ASAP1: variants seen among roughly 807,000 people sequenced by gnomAD.
The protein encoded by ASAP1 is ArfGAP with SH3 domain, ankyrin repeat and PH domain 1.
In ASAP1, 43 loss-of-function variants were observed where a neutral mutation model predicts 145.2. The ratio of observed to expected loss-of-function variants is 0.30; its 90% CI spans 0.23 to 0.38. ASAP1 has a LOEUF of 0.38. Ranked by LOEUF, ASAP1 falls within the 10% of genes least tolerant of loss-of-function variation. ASAP1 has a pLI of 1.00. For synonymous variants in ASAP1, 546 were observed against 515.5 expected (o/e 1.06, Z -0.80); for missense variants, 1,018 against 1,355.3 (o/e 0.75, Z 3.91).
intron 3 of ASAP1, among the ~76,000 whole-genome samples, chr8:130,357,608 T>C (rs1332460967): frequency 1.3e-5 from 2 of 152,206 alleles, no homozygotes; most frequent in Non-Finnish European, 2.9e-5. Flanking sequence ...TCACTGCCCA[T>C]CTCCTAGTCC....
At chr8:130,216,048 A>G (rs6470807) in intron 4 of ASAP1, among the ~76,000 whole-genome samples, 47,011 of 131,856 alleles carry the variant, frequency 0.36, 8,015 homozygotes, top group East Asian at 0.61. Context: ...GGAAAGGAAA[A>G]GAAAGAAAAG....
intron 3 of ASAP1, among the ~76,000 whole-genome samples, chr8:130,267,060 A>G (rs995841649): frequency 2.6e-5 from 4 of 151,668 alleles, no homozygotes; most frequent in African/African-American, 9.7e-5. Context: ...GTAGTCATTA[A>G]GAGGACAAAG....
intron 3 of ASAP1, among the ~76,000 whole-genome samples, chr8:130,275,678 G>GT (rs903724639): frequency 1.3e-4 from 20 of 151,132 alleles, no homozygotes; most frequent in African/African-American, 4.6e-4. Flanking sequence ...TTAGAGAAAC[G>GT]TAAGCATTTT....
chr8:130,182,484 A>G (rs919592656), intron 7 of ASAP1, among the ~76,000 whole-genome samples: 4 of 152,204 alleles, frequency 2.6e-5, no homozygotes, highest in Non-Finnish European at 5.9e-5. Flanking sequence ...AGGTTCTGAG[A>G]CAAACCTCAG....
At chr8:130,338,558 T>C (rs1411123974) in intron 3 of ASAP1, among the ~76,000 whole-genome samples, 1 of 152,216 alleles carries the variant, frequency 6.6e-6, no homozygotes, top group Non-Finnish European at 1.5e-5. Flanking sequence ...CACTCTGCAG[T>C]ATCTTTAATG....
intron 3 of ASAP1, among the ~76,000 whole-genome samples, chr8:130,283,772 C>T (rs578233299): frequency 6.6e-6 from 1 of 152,112 alleles, no homozygotes; most frequent in African/African-American, 2.4e-5. Context: ...GCCTTAAAAC[C>T]AGGTCTAGAA....
At chr8:130,162,704 G>A (rs1269756756) in intron 11 of ASAP1, among the ~76,000 whole-genome samples, 1 of 151,892 alleles carries the variant, frequency 6.6e-6, no homozygotes, top group African/African-American at 2.4e-5. Context: ...TGTACTCCCA[G>A]CTACTCAGGA....
In ASAP1 at chr8:130,350,373, T is replaced by C. The variant is rs112685450; in HGVS notation, c.186+7644A>G. Among the ~76,000 whole-genome samples the C allele has an allele frequency of 9.3e-3, 1,413 of 152,266 alleles. 21 individuals carry two copies. Among genetic ancestry groups the C allele is most frequent in the African/African-American group, 0.033 (1,369 of 41,534 alleles). Reference sequence around the variant, plus strand: ...TCTGTCTCATCTTTGGGCCTCAGTCTCCACCTCTCAAAGCAATGAGGACTA... The same window carrying C: ...TCTGTCTCATCTTTGGGCCTCAGTCCCCACCTCTCAAAGCAATGAGGACTA... On this transcript the variant is annotated intron_variant, in intron 3 of 29. Transcript: ENST00000518721.
At chr8:130,109,706 T>C (rs2097543632) in intron 24 of ASAP1, among the ~76,000 whole-genome samples, 1 of 152,186 alleles carries the variant, frequency 6.6e-6, no homozygotes, top group African/African-American at 2.4e-5. Context: ...ACACAGAGTA[T>C]CAGCTGATCT....
intron 27 of ASAP1, among the ~76,000 whole-genome samples, chr8:130,072,824 T>TGTGTGTGTGTGTGTGCGCGCGC: frequency 6.2e-4 from 20 of 32,298 alleles, no homozygotes; most frequent in South Asian, 1.7e-3. Context: ...TGTGTGTGTG[T>TGTGTGTGTGTGTGTGCGCGCGC]GCGCGCGGGG....
intron 4 of ASAP1, among the ~76,000 whole-genome samples, chr8:130,231,256 G>A (rs1177515867): frequency 6.6e-6 from 1 of 152,174 alleles, no homozygotes; most frequent in Non-Finnish European, 1.5e-5. Flanking sequence ...AGACAAAAAT[G>A]TAAGGAAATG....
At chr8:130,258,176 C>A (rs1190121093) in intron 3 of ASAP1, among the ~76,000 whole-genome samples, 1 of 152,132 alleles carries the variant, frequency 6.6e-6, no homozygotes, top group Non-Finnish European at 1.5e-5. Flanking sequence ...TGACACCTGG[C>A]CCCAGCTCCA....
intron 9 of ASAP1, among the ~76,000 whole-genome samples, chr8:130,175,290 G>A (rs1436514017): frequency 2.6e-5 from 4 of 151,950 alleles, no homozygotes; most frequent in African/African-American, 9.7e-5. Flanking sequence ...AAGTCATTAT[G>A]GCTCACTGCA....
chr8:130,339,005 CCA>C (rs1328583425), intron 3 of ASAP1, among the ~76,000 whole-genome samples: 1 of 152,192 alleles, frequency 6.6e-6, no homozygotes, highest in East Asian at 1.9e-4. Context: ...AGCTTATTCC[CCA>C]CCTAAGAAGT....
chr8:130,144,635 C>T (rs539416408), intron 13 of ASAP1, among the ~76,000 whole-genome samples: 5 of 152,268 alleles, frequency 3.3e-5, no homozygotes, highest in Admixed American at 6.5e-5. Flanking sequence ...TCCAGATGCA[C>T]GTTCCAAATT....
chr8:130,144,258 T>C, intron 13 of ASAP1, among the ~76,000 whole-genome samples: 1 of 152,218 alleles, frequency 6.6e-6, no homozygotes. Context: ...TCAAGACTAT[T>C]GGCTTTTGGC....
chr8:130,284,013 C>CT (rs1348141694), intron 3 of ASAP1, among the ~76,000 whole-genome samples: 1 of 152,150 alleles, frequency 6.6e-6, no homozygotes, highest in East Asian at 1.9e-4. Flanking sequence ...TTGTGGAGGA[C>CT]TGGGTATGTG....
intron 3 of ASAP1, among the ~76,000 whole-genome samples, chr8:130,242,284 C>A (rs141371930): frequency 0.016 from 1,136 of 69,308 alleles, 6 homozygotes; most frequent in African/African-American, 0.018. Flanking sequence ...AAAAAAAAAA[C>A]AACTTTTTTT....
chr8:130,260,370 C>A (rs1054573584), intron 3 of ASAP1, among the ~76,000 whole-genome samples: 1 of 152,210 alleles, frequency 6.6e-6, no homozygotes, highest in African/African-American at 2.4e-5. Flanking sequence ...TCCATGCTAA[C>A]AATGTTTTAG....
Sources: allele counts gnomAD v4.1 joint callset (sites outside exome capture counted in the v4.1 genomes callset), GRCh38; gene constraint gnomAD v4.1.1; transcripts MANE v1.5; gene names NCBI Gene and HGNC (gene_info 2026-07-23, HGNC 2026-07-21).